Variants in ENTPD1 observed in about 807,000 individuals in gnomAD.
ENTPD1 encodes the protein ATP diphosphohydrolase.
In ENTPD1, 33 loss-of-function variants were observed where a neutral mutation model predicts 57.0. The ratio of observed to expected loss-of-function variants is 0.58; its 90% CI spans 0.44 to 0.77. The LOEUF (loss-of-function observed/expected upper bound fraction) is 0.77, where lower values mean the gene tolerates loss of function less well. Ranked by LOEUF, ENTPD1 falls within the 30% of genes least tolerant of loss-of-function variation. The pLI is 0.00. For synonymous variants in ENTPD1, 202 were observed against 218.8 expected (o/e 0.92, Z 0.68); for missense variants, 501 against 603.4 (o/e 0.83, Z 1.78).
chr10:95,828,313 C>T (rs1178079134), intron 2 of ENTPD1, among the ~76,000 whole-genome samples: 1 of 152,280 alleles, frequency 6.6e-6, no homozygotes, highest in South Asian at 2.1e-4. Context: ...CACTGTCTCC[C>T]GTTACCCCCG....
At chr10:95,849,923 A>G (rs1347353394) in intron 7 of ENTPD1, among the ~76,000 whole-genome samples, 1 of 152,190 alleles carries the variant, frequency 6.6e-6, no homozygotes, top group Non-Finnish European at 1.5e-5. Flanking sequence ...CACTGCGAGG[A>G]TGTAAATCTA....
intron 3 of ENTPD1, among the ~76,000 whole-genome samples, chr10:95,842,096 T>C (rs766524308): frequency 1.3e-5 from 2 of 152,214 alleles, no homozygotes; most frequent in Non-Finnish European, 2.9e-5. Context: ...TGCAATTGAA[T>C]ATGAAATTGC....
chr10:95,749,328 G>A (rs1410072018), intron 1 of ENTPD1, among the ~76,000 whole-genome samples: 1 of 152,164 alleles, frequency 6.6e-6, no homozygotes, highest in Non-Finnish European at 1.5e-5. Flanking sequence ...TGACTATGTG[G>A]ATCTCAATAT....
chr10:95,795,591 T>A (rs954330158), intron 1 of ENTPD1, among the ~76,000 whole-genome samples: 1 of 152,200 alleles, frequency 6.6e-6, no homozygotes, highest in East Asian at 1.9e-4. Flanking sequence ...AATCATTTTT[T>A]CATACAGAGC....
chr10:95,815,198 T>C (rs1346008707), intron 1 of ENTPD1, among the ~76,000 whole-genome samples: 2 of 152,182 alleles, frequency 1.3e-5, no homozygotes, highest in Non-Finnish European at 2.9e-5. Flanking sequence ...TGCTTTTGCA[T>C]TGGGTCAGCT....
In ENTPD1 at chr10:95,791,015, A is replaced by G. The variant is rs751904805; in HGVS notation, c.17-32222A>G. ...TTAGTGAGACTGCAATGTATTACAT[A>G]AAAGGATCAAGTATCATCAGGCTGG... On this transcript the variant is annotated intron_variant, in intron 1 of 9. Transcript: ENST00000371205. The surrounding 1 kb of genome is among the most constrained non-coding windows in gnomAD (Gnocchi z 4.1). Among the ~76,000 whole-genome samples, 2 of 152,222 alleles carry G rather than the reference A, an allele frequency of 1.3e-5. No individual in the cohort carries two copies. The highest frequency in any genetic ancestry group is 2.9e-5 in the Non-Finnish European group (2 of 68,032).
intron 1 of ENTPD1, among the ~76,000 whole-genome samples, chr10:95,757,426 T>C (rs1008627294): frequency 1.3e-5 from 2 of 151,660 alleles, no homozygotes; most frequent in African/African-American, 4.8e-5. Flanking sequence ...GCTGGTGGGC[T>C]TTTCCACTCC....
At chr10:95,756,392 T>G in intron 1 of ENTPD1, 137 bp downstream of exon 1, 1 of 987,482 alleles carries the variant, frequency 1.0e-6, no homozygotes. Flanking sequence ...CTCTTCCTTC[T>G]GAGAGGAGGC....
intron 1 of ENTPD1, among the ~76,000 whole-genome samples, chr10:95,789,335 A>G (rs1165349270): frequency 6.6e-6 from 1 of 152,228 alleles, no homozygotes; most frequent in Non-Finnish European, 1.5e-5. Flanking sequence ...GATACGTGGC[A>G]AAGTCTTAAA....
rs1203644494 is a variant in ENTPD1 at position 95,716,150 on chromosome 10, A to G, written c.37+4157A>G. Among the ~76,000 whole-genome samples, 11 of 152,142 alleles carry G rather than the reference A, an allele frequency of 7.2e-5. No individual in the cohort carries two copies. The East Asian group carries it at 2.1e-3, about 29-fold the overall frequency. The stretch of plus-strand genomic sequence containing the variant: ...CAAAGTGTTGGTATTGCAGGTATGA[A>G]CCGCTGTGCCCAGCTCATTTTTAAG... On this transcript the variant is annotated intron_variant, in intron 1 of 9. Coordinates refer to the ENTPD1 transcript ENST00000453258.
intron 1 of ENTPD1, among the ~76,000 whole-genome samples, chr10:95,814,111 C>T (rs2098320897): frequency 6.6e-6 from 1 of 152,236 alleles, no homozygotes; most frequent in Admixed American, 6.5e-5. Context: ...ATTGTTACGC[C>T]TTTTGGCTGG....
Position 95,847,623 on chromosome 10 carries a change from G to C in ENTPD1, c.991G>C (p.Glu331Gln), listed in dbSNP as rs766690702. Residue 331 changes from glutamate to glutamine, a missense_variant, in exon 7 of 10, where the codon GAG becomes CAG. Transcript: ENST00000371205. ...TCAACAATGCCATCAAAGCATCCTG[G>C]AGCTCTTCAACACCAGTTACTGCCC... is the stretch of plus-strand genomic sequence containing the variant. The part of the protein sequence containing the change: ...NYQQCHQSIL[E>Q]LFNTSYCPYS... The C allele has an allele frequency of 6.2e-7, 1 of 1,613,992 alleles. No individual in the cohort carries two copies. Among genetic ancestry groups the C allele is most frequent in the African/African-American group, 1.3e-5 (1 of 74,894 alleles).
chr10:95,860,595 G>T lies in ENTPD1; in HGVS notation c.1188+13G>T, dbSNP rs752319271. The T allele has an allele frequency of 2.5e-6, 4 of 1,607,962 alleles. No individual in the cohort carries two copies. The highest frequency in any genetic ancestry group is 3.4e-6 in the Non-Finnish European group (4 of 1,175,010). On this transcript the variant is annotated intron_variant, in intron 8 of 9. Transcript: ENST00000371205. ...GCCTTGGGAGGAGGTAAGTGACTAG[G>T]CACAGCAGCTCTAACAGCATGAGTG...
At chr10:95,761,755 C>T (rs1388171350) in intron 1 of ENTPD1, among the ~76,000 whole-genome samples, 1 of 152,190 alleles carries the variant, frequency 6.6e-6, no homozygotes, top group Admixed American at 6.5e-5. Context: ...CTCCAAGCTT[C>T]CCTAAACTTC....
rs1279627478 is a variant in ENTPD1, at chr10:95,866,278, CTA to C, written c.1430_1431del (p.Tyr477CysfsTer45). Reference sequence around the variant, plus strand: ...TGTCCACACCTCTCTCCCACTCCACCTATGTCTTCCTCATGGTTCTATTCTCC... The same window carrying C: ...TGTCCACACCTCTCTCCCACTCCACCTGTCTTCCTCATGGTTCTATTCTCC... ...PLSTPLSHST[Y>X]VFLMVLFSLV... On this transcript the variant is annotated frameshift_variant, in exon 10 of 10. Transcript: ENST00000371205. LOFTEE classifies it high-confidence loss of function. 3.1e-6 allele frequency: 5 copies of C among 1,614,114 alleles called. No homozygotes were observed. In the African/African-American group the frequency reaches 5.3e-5, roughly 17 times the overall value.
rs1180976216 is a variant in ENTPD1, at chr10:95,870,615, G to A, written c.*4232G>A. On this transcript the variant is annotated 3_prime_UTR_variant, in exon 10 of 10. Transcript: ENST00000371205. ...TTTAATAGCTCACAGAACAAAGTTTGCCACATAATGATAAAATTACTATGA... is the reference window on the plus strand; with the variant it reads ...TTTAATAGCTCACAGAACAAAGTTTACCACATAATGATAAAATTACTATGA... 2.0e-6 allele frequency: 2 copies of A among 985,306 alleles called. No homozygotes were observed. Among genetic ancestry groups the A allele is most frequent in the South Asian group, 4.7e-5 (1 of 21,294 alleles). 61.0% of individuals were successfully genotyped at this position (985,306 alleles called of 1,614,324 possible).
rs1336198730 is a variant in ENTPD1, at chr10:95,874,745, G to A, written c.*8362G>A. On this transcript the variant is annotated 3_prime_UTR_variant, in exon 10 of 10. Transcript: ENST00000371205. ...CAGCAAACTTTTGCCTGGACATCCA[G>A]GTGTTTCCATATATATTCTGAAATC... Among the ~76,000 whole-genome samples the A allele has an allele frequency of 6.6e-6, 1 of 152,226 alleles. No homozygotes were observed. Among genetic ancestry groups the A allele is most frequent in the African/African-American group, 2.4e-5 (1 of 41,456 alleles).
At chr10:95,726,579 A>G (rs534681864) in intron 1 of ENTPD1, among the ~76,000 whole-genome samples, 13 of 152,308 alleles carry the variant, frequency 8.5e-5, no homozygotes, top group Admixed American at 2.6e-4. Context: ...TTATTTTAGT[A>G]GTTGAAAAAT....
intron 1 of ENTPD1, among the ~76,000 whole-genome samples, chr10:95,742,913 A>C (rs1447863790): frequency 6.6e-6 from 1 of 152,230 alleles, no homozygotes; most frequent in Non-Finnish European, 1.5e-5. Flanking sequence ...TAGTACAGAA[A>C]GTTACCAGGT....
Sources: gnomAD v4.1 joint callset for allele counts (sites outside exome capture counted in the v4.1 genomes callset) on GRCh38, gnomAD v4.1.1 for gene constraint, Gnocchi (gnomAD v3.1) non-coding constraint, MANE v1.5 for transcripts, NCBI Gene and HGNC (gene_info 2026-07-23, HGNC 2026-07-21) for gene names.